PRIM2: variants seen among roughly 807,000 people sequenced by gnomAD.
PRIM2 encodes the protein DNA primase subunit 2, also known as DNA primase large subunit.
In PRIM2, 39 loss-of-function variants were observed where a neutral mutation model predicts 67.3. The observed-to-expected ratio is 0.58, with a 90% CI of 0.45 to 0.76. The LOEUF is 0.76. Ranked by LOEUF, PRIM2 falls within the 30% of genes least tolerant of loss-of-function variation. The probability of loss-of-function intolerance (pLI) is 0.00; values close to 1 mark genes in which losing one functional copy is unlikely to be tolerated. For missense variants in PRIM2, 398 were observed against 598.7 expected, an observed-to-expected ratio of 0.66 and a Z score of 3.50; for synonymous variants, 143 against 198.7, an observed-to-expected ratio of 0.72 and a Z score of 2.36.
chr6:57,596,954 T>G (rs1776377481), intron 10 of PRIM2, among the ~76,000 whole-genome samples: 1 of 151,966 alleles, frequency 6.6e-6, no homozygotes, highest in Non-Finnish European at 1.5e-5. Flanking sequence ...CCTGATAAGT[T>G]AAAATCCCTT....
At chr6:57,353,241 T>G (rs2127302869) in intron 5 of PRIM2, among the ~76,000 whole-genome samples, 1 of 152,144 alleles carries the variant, frequency 6.6e-6, no homozygotes, top group South Asian at 2.1e-4. Context: ...TAAATTATAT[T>G]TACAATATCA....
At chr6:57,366,948 T>C (rs1387359613) in intron 5 of PRIM2, among the ~76,000 whole-genome samples, 3 of 152,212 alleles carry the variant, frequency 2.0e-5, no homozygotes, top group Non-Finnish European at 4.4e-5. Flanking sequence ...CAAAAATATT[T>C]GTTTTCTTGT....
intron 7 of PRIM2, among the ~76,000 whole-genome samples, chr6:57,423,110 CT>C (rs1562745020): frequency 6.6e-6 from 1 of 151,998 alleles, no homozygotes; most frequent in African/African-American, 2.4e-5. Flanking sequence ...GTAGCCTTTG[CT>C]TTTTTTCACT....
chr6:57,572,577 A>G (rs1231671015), intron 10 of PRIM2, among the ~76,000 whole-genome samples: 40 of 152,282 alleles, frequency 2.6e-4, no homozygotes, highest in African/African-American at 9.4e-4. Context: ...TTATACATTT[A>G]TATGCAATTT....
chr6:57,589,285 G>C (rs1776245130), intron 10 of PRIM2, among the ~76,000 whole-genome samples: 2 of 152,152 alleles, frequency 1.3e-5, no homozygotes, highest in African/African-American at 4.8e-5. Flanking sequence ...TTCAGGCCTA[G>C]ACCAAGGTTT....
the PRIM2 span, among the ~76,000 whole-genome samples, chr6:57,239,993 G>T: frequency 7.9e-5 from 12 of 151,928 alleles, no homozygotes; most frequent in Admixed American, 7.9e-4. Context: ...AGAGACTGTA[G>T]GGAGGACAGA....
intron 7 of PRIM2, among the ~76,000 whole-genome samples, chr6:57,406,277 C>T (rs1770888351): frequency 6.6e-6 from 1 of 152,080 alleles, no homozygotes; most frequent in Non-Finnish European, 1.5e-5. Flanking sequence ...TGACATCTAT[C>T]TTCCTGCCTG....
chr6:57,509,468 C>T (rs1486958761), intron 8 of PRIM2, among the ~76,000 whole-genome samples: 1 of 152,130 alleles, frequency 6.6e-6, no homozygotes, highest in Non-Finnish European at 1.5e-5. Flanking sequence ...GTTTGCTTTG[C>T]CCTTTCTAAT....
Position 57,639,770 on chromosome 6 carries a change from A to G in PRIM2, c.1300-6158A>G, listed in dbSNP as rs1214278061. Among the ~76,000 whole-genome samples, 3 of 151,654 alleles carry G rather than the reference A, an allele frequency of 2.0e-5. 1 individual carries two copies. The East Asian group carries it at 5.8e-4, about 29-fold the overall frequency. On this transcript the variant is annotated intron_variant, in intron 13 of 13. Transcript: ENST00000615550. ...ATCAACCAAAAAAAAAAAGCCCAGAACCAGACAGATTCACAGACAAATTCC... is the reference window on the plus strand; with the variant it reads ...ATCAACCAAAAAAAAAAAGCCCAGAGCCAGACAGATTCACAGACAAATTCC...
intron 5 of PRIM2, among the ~76,000 whole-genome samples, chr6:57,364,487 T>C (rs1769292200): frequency 1.3e-5 from 2 of 152,204 alleles, no homozygotes. Context: ...CATATATACT[T>C]TGGGTGGCCA....
chr6:57,337,612 T>G (rs571061753), intron 5 of PRIM2, among the ~76,000 whole-genome samples: 1 of 152,046 alleles, frequency 6.6e-6, no homozygotes, highest in African/African-American at 2.4e-5. Flanking sequence ...GAATGACTAC[T>G]GGGTATATAA....
chr6:57,571,161 C>T (rs1486534811), intron 10 of PRIM2, among the ~76,000 whole-genome samples: 1 of 152,094 alleles, frequency 6.6e-6, no homozygotes, highest in Non-Finnish European at 1.5e-5. Context: ...CCTGTCATTT[C>T]TGTCAAAAGA....
At chr6:57,443,642 C>T (rs1341851795) in intron 7 of PRIM2, among the ~76,000 whole-genome samples, 1 of 151,976 alleles carries the variant, frequency 6.6e-6, no homozygotes, top group East Asian at 1.9e-4. Flanking sequence ...GTTGTTTGAG[C>T]TTCTTATGCA....
intron 12 of PRIM2, among the ~76,000 whole-genome samples, chr6:57,620,964 C>T (rs1776841984): frequency 6.6e-6 from 1 of 152,268 alleles, no homozygotes. Flanking sequence ...TTTAAAGCAA[C>T]AGCATTACAG....
At chr6:57,612,631 C>G (rs1776687412) in intron 12 of PRIM2, among the ~76,000 whole-genome samples, 4 of 152,130 alleles carry the variant, frequency 2.6e-5, no homozygotes, top group African/African-American at 4.8e-5. Flanking sequence ...AGGGTAATAT[C>G]AAAACTGAAT....
chr6:57,247,494 G>A, the PRIM2 span, among the ~76,000 whole-genome samples: 4,724 of 152,288 alleles, frequency 0.031, 99 homozygotes, highest in Middle Eastern at 0.058. Flanking sequence ...GGCTTATTCA[G>A]AGCAAAATTA....
rs1777321690 is a variant in PRIM2 at position 57,645,607 on chromosome 6, C to A, written c.1300-321C>A. 2.0e-5 allele frequency among the ~76,000 whole-genome samples: 3 copies of A among 150,674 alleles called. No homozygotes were observed. In the Admixed American group the frequency reaches 2.0e-4, roughly 10 times the overall value. On this transcript the variant is annotated intron_variant, in intron 13 of 13. Coordinates refer to ENST00000615550, the MANE Select transcript of PRIM2 (RefSeq NM_000947.5). ...TGGGGAGAGGGGAAAGGATACGTTT[C>A]CTGTTGGGTTTGAGCTGCCTTTGAG...
chr6:57,238,270 GCAC>G, the PRIM2 span, among the ~76,000 whole-genome samples: 1 of 152,168 alleles, frequency 6.6e-6, no homozygotes, highest in Non-Finnish European at 1.5e-5. Flanking sequence ...ATTCTTCTCA[GCAC>G]CACATCACAC....
At chr6:57,418,156 T>C (rs538989307) in intron 7 of PRIM2, among the ~76,000 whole-genome samples, 2 of 151,932 alleles carry the variant, frequency 1.3e-5, no homozygotes, top group Non-Finnish European at 2.9e-5. Context: ...GGCTTAAAAA[T>C]GGCCATGTAA....
Sources: gnomAD v4.1 joint callset for allele counts (sites outside exome capture counted in the v4.1 genomes callset) on GRCh38, gnomAD v4.1.1 for gene constraint, MANE v1.5 for transcripts, NCBI Gene and HGNC (gene_info 2026-07-23, HGNC 2026-07-21) for gene names.